Variants in GPAT4 observed in about 807,000 individuals in gnomAD.
The protein encoded by GPAT4 is glycerol-3-phosphate acyltransferase 4.
In GPAT4, 17 loss-of-function variants were observed where a neutral mutation model predicts 58.0. That is an observed-to-expected ratio of 0.29 (90% CI 0.20 to 0.44). GPAT4 has a LOEUF of 0.44. Among genes scored for constraint, GPAT4 ranks in the 20% least tolerant of loss-of-function variants. The pLI is 1.00. For synonymous variants in GPAT4, 204 were observed against 210.1 expected, an observed-to-expected ratio of 0.97 and a Z score of 0.25; for missense variants, 377 against 574.5, an observed-to-expected ratio of 0.66 and a Z score of 3.51.
intron 2 of GPAT4, among the ~76,000 whole-genome samples, chr8:41,604,307 A>G (rs1039568986): frequency 1.3e-5 from 2 of 152,194 alleles, no homozygotes; most frequent in African/African-American, 4.8e-5. Context: ...CTCCCTATAT[A>G]AAGGAACCAG....
At chr8:41,608,793 A>C (rs952868849) in intron 2 of GPAT4, among the ~76,000 whole-genome samples, 1 of 149,686 alleles carries the variant, frequency 6.7e-6, no homozygotes, top group Non-Finnish European at 1.5e-5. Flanking sequence ...GCAGCTAGTG[A>C]ATGTAAACTT....
chr8:41,584,353 A>G (rs188547770), intron 1 of GPAT4, among the ~76,000 whole-genome samples: 4 of 152,324 alleles, frequency 2.6e-5, no homozygotes, highest in South Asian at 2.1e-4. Context: ...GTATATGTCC[A>G]TACAAAGACT....
At chr8:41,609,319 C>A in intron 2 of GPAT4, 97 bp from the exon 3 acceptor site, 1 of 1,288,264 alleles carries the variant, frequency 7.8e-7, no homozygotes, top group Non-Finnish European at 1.1e-6. Flanking sequence ...TCTTAGGTGA[C>A]TGGGACTGAG....
At chr8:41,597,317 A>G (rs753330256) in intron 1 of GPAT4, among the ~76,000 whole-genome samples, 25 of 152,184 alleles carry the variant, frequency 1.6e-4, no homozygotes, top group Non-Finnish European at 2.8e-4. Context: ...CCTGAAGGTG[A>G]TTAGTGTGAA....
intron 1 of GPAT4, among the ~76,000 whole-genome samples, chr8:41,595,448 A>C: frequency 6.7e-6 from 1 of 149,418 alleles, no homozygotes; most frequent in Middle Eastern, 3.2e-3. Context: ...AGCAGTTGCC[A>C]CTACAGATTG....
At chr8:41,581,973 A>C (rs901204382) in intron 1 of GPAT4, among the ~76,000 whole-genome samples, 2 of 140,560 alleles carry the variant, frequency 1.4e-5, no homozygotes, top group African/African-American at 5.3e-5. Context: ...CAGGAAGCTT[A>C]AATCAAGGGA....
Position 41,599,394 on chromosome 8 carries a change from T to C in GPAT4, c.165+90T>C. The C allele has an allele frequency of 6.9e-6, 10 of 1,444,792 alleles. No individual in the cohort carries two copies. In the East Asian group the frequency reaches 9.2e-5, roughly 13 times the overall value. The allele number at this position is 1,444,792 out of a possible 1,614,324, so 89.5% of individuals were successfully genotyped here. On this transcript the variant is annotated intron_variant, in intron 2 of 12. Coordinates refer to ENST00000396987, the MANE Select transcript of GPAT4 (RefSeq NM_178819.4). ...TATTCTTACAGGCCTATTATCTCTT[T>C]ATTAGATAGGGAGAAAGTTGGGAGA...
chr8:41,583,401 A>T (rs1193960260), intron 1 of GPAT4, among the ~76,000 whole-genome samples: 2 of 152,042 alleles, frequency 1.3e-5, no homozygotes, highest in East Asian at 3.9e-4. Context: ...TGTCTATGAG[A>T]TCATTTTTAG....
Position 41,612,205 on chromosome 8 carries a change from A to G in GPAT4, c.727A>G (p.Ile243Val). The G allele has an allele frequency of 1.2e-6, 2 of 1,614,250 alleles. No homozygotes were observed. The highest frequency in any genetic ancestry group is 1.7e-6 in the Non-Finnish European group (2 of 1,180,040). Residue 243 changes from isoleucine (I) to valine (V), a missense_variant, in exon 7 of 13, where the codon ATC becomes GTC. Transcript: ENST00000396987. ...DRENRPRNGG[I>V]CVANHTSPID... ...GGAAAACAGACCAAGAAATGGTGGCATCTGTGTGGCCAATCATACCTCACC... is the reference window on the plus strand; with the variant it reads ...GGAAAACAGACCAAGAAATGGTGGCGTCTGTGTGGCCAATCATACCTCACC...
chr8:41,603,528 A>ATC (rs1803164976), intron 2 of GPAT4, among the ~76,000 whole-genome samples: 1 of 134,640 alleles, frequency 7.4e-6, no homozygotes, highest in Non-Finnish European at 1.6e-5. Context: ...TCCGTCTCAA[A>ATC]AAAAAAAAAA....
rs1803866259 is a variant in GPAT4 at position 41,624,796 on chromosome 8, C to T, written c.*3795C>T. The T allele has an allele frequency of 6.6e-6, 1 of 152,056 alleles. No individual in the cohort carries two copies. The highest frequency in any genetic ancestry group is 6.6e-5 in the Admixed American group (1 of 15,264). The allele number at this position is 152,056 out of a possible 1,614,324, so 9.4% of individuals were successfully genotyped here. ...TAAAAAGGGGGAACTTTTCATTGCG[C>T]CAGGGGTGGCACCTGGCGTGTGTTG... On this transcript the variant is annotated 3_prime_UTR_variant, in exon 13 of 13. Transcript: ENST00000396987.
chr8:41,612,209 G>A lies in GPAT4; in HGVS notation c.731G>A (p.Cys244Tyr), dbSNP rs1041454554. 6.2e-7 allele frequency: 1 copy of A among 1,614,252 alleles called. No individual in the cohort carries two copies. Among genetic ancestry groups the A allele is most frequent in the Non-Finnish European group, 8.5e-7 (1 of 1,180,052 alleles). The change falls in exon 7 of 13, where the codon TGT becomes TAT. Residue 244 changes from cysteine to tyrosine, a missense_variant. By Grantham distance (194) the Cys-to-Tyr change is radical (BLOSUM62 -2). Coordinates refer to ENST00000396987, the MANE Select transcript of GPAT4 (RefSeq NM_178819.4). ...RENRPRNGGICVANHTSPIDV... is the reference protein window; with the variant it reads ...RENRPRNGGIYVANHTSPIDV... Reference sequence around the variant, plus strand: ...AACAGACCAAGAAATGGTGGCATCTGTGTGGCCAATCATACCTCACCGATC... The same window carrying A: ...AACAGACCAAGAAATGGTGGCATCTATGTGGCCAATCATACCTCACCGATC...
intron 10 of GPAT4, among the ~76,000 whole-genome samples, chr8:41,618,169 T>C (rs60344866): frequency 0.23 from 35,577 of 152,062 alleles, 4,200 homozygotes; most frequent in East Asian, 0.3. Flanking sequence ...TCTAATAGTT[T>C]CCTCCCTGGT....
chr8:41,581,033 A>G (rs1421220534), intron 1 of GPAT4, among the ~76,000 whole-genome samples: 1 of 152,256 alleles, frequency 6.6e-6, no homozygotes, highest in Non-Finnish European at 1.5e-5. Context: ...ACTGTACTGC[A>G]GAATTGTTTG....
rs936520103 is a variant in GPAT4 at position 41,580,714 on chromosome 8, C to G, written c.-849+2436C>G. 3.2e-4 allele frequency among the ~76,000 whole-genome samples: 49 copies of G among 152,126 alleles called. 1 individual carries two copies. Among genetic ancestry groups the G allele is most frequent in the Admixed American group, 3.2e-3 (49 of 15,274 alleles). On this transcript the variant is annotated intron_variant, in intron 1 of 12. Coordinates refer to ENST00000396987, the MANE Select transcript of GPAT4 (RefSeq NM_178819.4). ...CTTTTGTGAGTTTGTGACCTAAATACAATAGTTGTTATGCATGTCCAGTTT... is the reference window on the plus strand; with the variant it reads ...CTTTTGTGAGTTTGTGACCTAAATAGAATAGTTGTTATGCATGTCCAGTTT...
rs1287242925 is a variant in GPAT4 at position 41,602,077 on chromosome 8, C to T, written c.165+2773C>T. Among the ~76,000 whole-genome samples, 7 of 152,342 alleles carry T rather than the reference C, an allele frequency of 4.6e-5. No homozygotes were observed. In the East Asian group the frequency reaches 1.4e-3, roughly 29 times the overall value. On this transcript the variant is annotated intron_variant, in intron 2 of 12. Coordinates refer to ENST00000396987, the MANE Select transcript of GPAT4 (RefSeq NM_178819.4). Reference sequence around the variant, plus strand: ...TCAAGCAATTCTCCTGCCTCAGCCACCCAAGTAGCTGGGATGACAGGCGCG... The same window carrying T: ...TCAAGCAATTCTCCTGCCTCAGCCATCCAAGTAGCTGGGATGACAGGCGCG...
chr8:41,599,256 C>G lies in GPAT4; in HGVS notation c.117C>G (p.Ser39=), dbSNP rs751787240. ...TAGTGCCAGCCATTTTTGGAGTCTC[C>G]TTTGGTATCCGCAAACTCTACATGA... ...FIIVPAIFGV[S]FGIRKLYMKS... The change falls in exon 2 of 13, where the codon TCC becomes TCG. Residue 39 remains serine, a synonymous_variant. Coordinates refer to ENST00000396987, the MANE Select transcript of GPAT4 (RefSeq NM_178819.4). The G allele has an allele frequency of 3.1e-6, 5 of 1,614,134 alleles. No homozygotes were observed. The highest frequency in any genetic ancestry group is 1.1e-5 in the South Asian group (1 of 91,072).
At chr8:41,618,449 A>G (rs541083052) in intron 10 of GPAT4, 100 of 569,752 alleles carry the variant, frequency 1.8e-4, no homozygotes, top group African/African-American at 1.6e-3. Context: ...GCAGGCTGTC[A>G]GGGGAGCCTT....
At chr8:41,595,156 GTT>G (rs1159786065) in intron 1 of GPAT4, among the ~76,000 whole-genome samples, 6 of 130,276 alleles carry the variant, frequency 4.6e-5, no homozygotes, top group Admixed American at 7.7e-5. Flanking sequence ...AATTGGTATA[GTT>G]TTTTTTTTTT....
Sources: gnomAD v4.1 joint callset for allele counts (sites outside exome capture counted in the v4.1 genomes callset) on GRCh38, gnomAD v4.1.1 for gene constraint, MANE v1.5 for transcripts, NCBI Gene and HGNC (gene_info 2026-07-23, HGNC 2026-07-21) for gene names.